Variants in COQ8B observed in about 807,000 individuals in gnomAD.
COQ8B encodes atypical kinase COQ8B, mitochondrial.
COQ8B carries 44 observed loss-of-function variants against 62.0 expected under a neutral mutation model. That is an observed-to-expected ratio of 0.71 (90% CI 0.56 to 0.91). COQ8B has a LOEUF of 0.91. Among genes scored for constraint, COQ8B ranks in the 40% least tolerant of loss-of-function variants. COQ8B has a pLI of 0.00. For missense variants in COQ8B, 649 were observed against 731.6 expected (o/e 0.89, Z 1.30); for synonymous variants, 252 against 289.9 (o/e 0.87, Z 1.33).
chr19:40,714,641 G>A lies in COQ8B; in HGVS notation c.-3-6C>T, dbSNP rs2082170708. On this transcript the variant is annotated splice_polypyrimidine_tract_variant and splice_region_variant and intron_variant, in intron 1 of 14. Coordinates refer to ENST00000324464, the MANE Select transcript of COQ8B (RefSeq NM_024876.4). ...CCCACCTTCAGCCACATTGCCTGGA[G>A]GAGAAGAGGAGGGATTATTCAGGTG... 1.3e-6 allele frequency: 2 copies of A among 1,589,002 alleles called. No homozygotes were observed. The highest frequency in any genetic ancestry group is 1.8e-5 in the Admixed American group (1 of 54,080).
chr19:40,692,321 G>T lies in COQ8B; in HGVS notation c.1349C>A (p.Ala450Asp), dbSNP rs1197599676. ...CCCAAAGTCATAAGGGCCCTGGGTGGCGAAAGGCTCCCCCAGGATCATCAC... is the reference window on the plus strand; with the variant it reads ...CCCAAAGTCATAAGGGCCCTGGGTGTCGAAAGGCTCCCCCAGGATCATCAC... Reference protein sequence around the residue: ...EAVMILGEPFATQGPYDFGSG... With the variant: ...EAVMILGEPFDTQGPYDFGSG... Residue 450 changes from alanine (A) to aspartate (D), a missense_variant, in exon 15 of 15, where the codon GCC (alanine) becomes GAC (aspartate). Transcript: ENST00000324464. The T allele has an allele frequency of 4.3e-6, 7 of 1,613,674 alleles. No homozygotes were observed. In the African/African-American group the frequency reaches 9.3e-5, roughly 22 times the overall value.
rs527408923 is a variant in COQ8B at position 40,698,221 on chromosome 19, A to G, written c.1143+1846T>C. Among the ~76,000 whole-genome samples, 34 of 149,166 alleles carry G rather than the reference A, an allele frequency of 2.3e-4. No individual in the cohort carries two copies. The East Asian group carries it at 4.5e-3, about 20-fold the overall frequency. On this transcript the variant is annotated intron_variant, in intron 12 of 14. Transcript: ENST00000324464. ...ACAAGAGCGAGACTTCATCTCGGGG[A>G]AAAAAAAGAAAAGTGTCCCAAAATA... is the stretch of plus-strand genomic sequence containing the variant.
intron 1 of COQ8B, chr19:40,714,898 T>C (rs1385370715): frequency 1.6e-6 from 2 of 1,229,840 alleles, no homozygotes; most frequent in South Asian, 2.2e-5. Flanking sequence ...ACACCCACAG[T>C]TCCTCAGGGG....
At chr19:40,692,453 G>T in intron 14 of COQ8B, 80 bp from the exon 15 acceptor site, 12 of 1,244,854 alleles carry the variant, frequency 9.6e-6, no homozygotes, top group Non-Finnish European at 1.2e-5. Context: ...ACAACGTGTA[G>T]CCTCCACTCC....
Position 40,696,237 on chromosome 19 carries a change from CT to C in COQ8B, c.1144-184del, listed in dbSNP as rs149078187. 0.047 allele frequency among the ~76,000 whole-genome samples: 7,096 copies of C among 151,946 alleles called. 496 individuals carry two copies. Among genetic ancestry groups the C allele is most frequent in the African/African-American group, 0.16 (6,530 of 41,396 alleles). ...TTCCAACCGACCCCCTAGCTGAAGG[CT>C]TTTTTTTCTTTTAGTTCTAATTGTT... is the stretch of plus-strand genomic sequence containing the variant. On this transcript the variant is annotated intron_variant, in intron 12 of 14. Coordinates refer to ENST00000324464, the MANE Select transcript of COQ8B (RefSeq NM_024876.4).
At chr19:40,693,058 T>TAGAGGGACAAAGGCCGGGGCTC (rs2081986620) in intron 13 of COQ8B, 21 bp from the exon 14 acceptor site, 1 of 1,609,492 alleles carries the variant, frequency 6.2e-7, no homozygotes, top group East Asian at 2.2e-5. Flanking sequence ...GGGTGGGAGT[T>TAGAGGGACAAAGGCCGGGGCTC]AGAGGGACAA....
intron 1 of COQ8B, chr19:40,715,226 G>A: frequency 2.0e-6 from 2 of 985,206 alleles, no homozygotes; most frequent in Non-Finnish European, 2.4e-6. Context: ...AGGCCCTAGC[G>A]ATGGAGCCTG....
In COQ8B at chr19:40,716,852, A is replaced by G. The variant is rs1599643912; in HGVS notation, c.-269T>C. 1 of 206,244 alleles carries G rather than the reference A, an allele frequency of 4.8e-6. No homozygotes were observed. Among genetic ancestry groups the G allele is most frequent in the East Asian group, 9.9e-5 (1 of 10,116 alleles). The allele number at this position is 206,244 out of a possible 1,614,324, so 12.8% of individuals were successfully genotyped here. A position where few individuals can be genotyped will look rare whatever the true frequency, so the allele number is the denominator to read the frequency against. On this transcript the variant is annotated 5_prime_UTR_variant, in exon 1 of 15. Transcript: ENST00000324464. ...CGCGCCACCAGGACCCCGGTGCCCT[A>G]GATGCATACCTGGCCGCGCTTCGGA...
chr19:40,709,687 C>T (rs765046410), intron 5 of COQ8B, among the ~76,000 whole-genome samples: 2 of 152,006 alleles, frequency 1.3e-5, no homozygotes, highest in African/African-American at 2.4e-5. Context: ...ACTAAAAATA[C>T]AAAAATTAAC....
At chr19:40,714,250 G>A (rs368174967) in intron 3 of COQ8B, 28 bp downstream of exon 3, 1 of 1,605,126 alleles carries the variant, frequency 6.2e-7, no homozygotes, top group Non-Finnish European at 8.5e-7. Flanking sequence ...TTCGTGGGGT[G>A]TTGCTGGGTG....
At chr19:40,708,498 G>A (rs1258159155) in intron 5 of COQ8B, among the ~76,000 whole-genome samples, 1 of 152,134 alleles carries the variant, frequency 6.6e-6, no homozygotes, top group African/African-American at 2.4e-5. Context: ...TTTTCAAGGT[G>A]AGAAAGCAAG....
In COQ8B at chr19:40,714,652, G is replaced by A. The variant is rs909009600; in HGVS notation, c.-3-17C>T. The A allele has an allele frequency of 3.2e-6, 5 of 1,574,878 alleles. No individual in the cohort carries two copies. The highest frequency in any genetic ancestry group is 3.9e-5 in the Admixed American group (2 of 51,474). On this transcript the variant is annotated splice_polypyrimidine_tract_variant and intron_variant, in intron 1 of 14. Coordinates refer to ENST00000324464, the MANE Select transcript of COQ8B (RefSeq NM_024876.4). ...CCACATTGCCTGGAGGAGAAGAGGA[G>A]GGATTATTCAGGTGGGAGTTGCCTG... is the stretch of plus-strand genomic sequence containing the variant.
intron 12 of COQ8B, among the ~76,000 whole-genome samples, chr19:40,699,050 G>A (rs1375279739): frequency 6.6e-6 from 1 of 151,100 alleles, no homozygotes; most frequent in African/African-American, 2.4e-5. Flanking sequence ...CTGGCCTCAA[G>A]GGATCCTCCT....
At chr19:40,714,727 C>T in intron 1 of COQ8B, 92 bp from the exon 2 acceptor site, 6 of 1,341,148 alleles carry the variant, frequency 4.5e-6, no homozygotes, top group Non-Finnish European at 4.0e-6. Flanking sequence ...TCTCTCATTC[C>T]CACCCACTAA....
At chr19:40,699,989 T>A in intron 12 of COQ8B, 78 bp downstream of exon 12, 1 of 1,395,880 alleles carries the variant, frequency 7.2e-7, no homozygotes, top group East Asian at 2.3e-5. Context: ...CAACTGCTAT[T>A]TTGTTGAGCT....
At chr19:40,693,346 C>T (rs1241592150) in intron 13 of COQ8B, among the ~76,000 whole-genome samples, 2 of 152,208 alleles carry the variant, frequency 1.3e-5, no homozygotes, top group Non-Finnish European at 2.9e-5. Flanking sequence ...AGTCCAAACA[C>T]TCAACTGGAC....
intron 5 of COQ8B, among the ~76,000 whole-genome samples, chr19:40,708,623 T>G (rs575519952): frequency 2.6e-5 from 4 of 151,510 alleles, no homozygotes; most frequent in African/African-American, 9.7e-5. Context: ...ACCCTCAACT[T>G]TTTATTTTGA....
intron 12 of COQ8B, among the ~76,000 whole-genome samples, chr19:40,698,077 G>C (rs983513476): frequency 6.6e-6 from 1 of 150,736 alleles, no homozygotes; most frequent in South Asian, 2.1e-4. Flanking sequence ...TTAGCTGGGC[G>C]TGGTGGCAGG....
At chr19:40,715,737 C>T (rs2082180604) in intron 1 of COQ8B, 10 of 454,246 alleles carry the variant, frequency 2.2e-5, no homozygotes, top group Non-Finnish European at 2.6e-5. Context: ...GAGCCCTCTG[C>T]TTCCTGTAGG....
Sources: gnomAD v4.1 joint callset for allele counts (sites outside exome capture counted in the v4.1 genomes callset) on GRCh38, gnomAD v4.1.1 for gene constraint, MANE v1.5 for transcripts, NCBI Gene and HGNC (gene_info 2026-07-23, HGNC 2026-07-21) for gene names.